Variants in GSAP observed in about 807,000 individuals in gnomAD.
GSAP encodes the protein gamma-secretase activating protein, also known as gamma-secretase-activating protein.
GSAP carries 118 observed loss-of-function variants against 131.7 expected under a neutral mutation model. The ratio of observed to expected loss-of-function variants is 0.90; its 90% CI spans 0.77 to 1.04. The LOEUF is 1.04. Ranked by LOEUF, GSAP falls within the 50% of genes least tolerant of loss-of-function variation. The pLI is 0.00. For synonymous variants in GSAP, 381 were observed against 363.4 expected (o/e 1.05, Z -0.55); for missense variants, 1,019 against 1,013.2 (o/e 1.01, Z -0.08).
At chr7:77,393,446 A>G (rs1041117015) in intron 5 of GSAP, among the ~76,000 whole-genome samples, 1 of 151,748 alleles carries the variant, frequency 6.6e-6, no homozygotes, top group Non-Finnish European at 1.5e-5. Context: ...CTCATCTCCA[A>G]ACTCCACCTC....
chr7:77,323,203 C>G (rs968106057), intron 24 of GSAP, among the ~76,000 whole-genome samples: 4 of 152,216 alleles, frequency 2.6e-5, no homozygotes, highest in Non-Finnish European at 4.4e-5. Flanking sequence ...AACTGCCAAT[C>G]TCAGCCTCAC....
intron 5 of GSAP, among the ~76,000 whole-genome samples, chr7:77,393,457 A>C (rs1355271574): frequency 1.3e-5 from 2 of 151,806 alleles, no homozygotes; most frequent in Non-Finnish European, 2.9e-5. Flanking sequence ...ACTCCACCTC[A>C]CATCTCCACT....
intron 18 of GSAP, among the ~76,000 whole-genome samples, chr7:77,349,776 C>G (rs145280072): frequency 7.4e-4 from 113 of 152,234 alleles, no homozygotes; most frequent in African/African-American, 2.6e-3. Flanking sequence ...ATCAATACTC[C>G]TTCCTCTCTC....
intron 3 of GSAP, among the ~76,000 whole-genome samples, chr7:77,401,389 CAA>C (rs999240943): frequency 6.6e-6 from 1 of 151,758 alleles, no homozygotes. Context: ...GAGAAAAATT[CAA>C]AAGACAGCAG....
At chr7:77,354,168 C>T (rs1023854364) in intron 16 of GSAP, among the ~76,000 whole-genome samples, 5 of 152,298 alleles carry the variant, frequency 3.3e-5, no homozygotes, top group African/African-American at 9.6e-5. Flanking sequence ...GAATGTTTTC[C>T]ATCTCAGCAC....
chr7:77,413,030 C>T (rs1225254412), intron 1 of GSAP, among the ~76,000 whole-genome samples: 2 of 152,114 alleles, frequency 1.3e-5, no homozygotes, highest in African/African-American at 2.4e-5. Context: ...ATACAGCAAA[C>T]CCCAGAAACC....
At chr7:77,392,204 AGAGC>A (rs1413391882) in intron 5 of GSAP, among the ~76,000 whole-genome samples, 3 of 151,698 alleles carry the variant, frequency 2.0e-5, no homozygotes, top group Non-Finnish European at 4.4e-5. Flanking sequence ...CCTGGGTGAC[AGAGC>A]AAGACTCCAT....
At chr7:77,380,838 C>T (rs911604862) in intron 8 of GSAP, among the ~76,000 whole-genome samples, 3 of 152,004 alleles carry the variant, frequency 2.0e-5, no homozygotes, top group East Asian at 1.9e-4. Flanking sequence ...TATGCATATA[C>T]GTACATATGA....
chr7:77,318,716 A>T (rs1164948154), intron 26 of GSAP, among the ~76,000 whole-genome samples: 1 of 152,180 alleles, frequency 6.6e-6, no homozygotes, highest in East Asian at 1.9e-4. Context: ...CTCAAAATGC[A>T]TTAGAAAGTT....
chr7:77,362,869 T>G (rs1794745516), intron 12 of GSAP, among the ~76,000 whole-genome samples: 1 of 152,202 alleles, frequency 6.6e-6, no homozygotes, highest in Non-Finnish European at 1.5e-5. Flanking sequence ...TAGCAACATA[T>G]TGTGGCAGGC....
intron 1 of GSAP, among the ~76,000 whole-genome samples, chr7:77,406,489 G>A (rs142809270): frequency 4.6e-5 from 7 of 152,174 alleles, no homozygotes; most frequent in Admixed American, 1.3e-4. Flanking sequence ...AAGGGCATAC[G>A]AATTTGGAAT....
At chr7:77,403,371 C>T (rs1244276360) in intron 3 of GSAP, among the ~76,000 whole-genome samples, 1 of 152,082 alleles carries the variant, frequency 6.6e-6, no homozygotes, top group African/African-American at 2.4e-5. Context: ...GAGAATTAAC[C>T]AAGCAGCGTA....
chr7:77,327,324 TC>T (rs1788468351), intron 22 of GSAP: 2 of 152,276 alleles, frequency 1.3e-5, no homozygotes, highest in Admixed American at 6.5e-5. Context: ...CCAGCAACGT[TC>T]CCCGTGTTGC....
chr7:77,338,355 T>G (rs1177836876), intron 19 of GSAP, among the ~76,000 whole-genome samples: 1 of 152,198 alleles, frequency 6.6e-6, no homozygotes, highest in Admixed American at 6.5e-5. Flanking sequence ...TTCCTGTTAG[T>G]GTTTTTAAAA....
chr7:77,410,481 T>C (rs1261584962), intron 1 of GSAP, among the ~76,000 whole-genome samples: 1 of 152,234 alleles, frequency 6.6e-6, no homozygotes, highest in Admixed American at 6.5e-5. Flanking sequence ...CAATTTCAAA[T>C]GAGGAAATGT....
chr7:77,391,178 C>T (rs1186192727), intron 5 of GSAP, among the ~76,000 whole-genome samples: 4 of 137,614 alleles, frequency 2.9e-5, no homozygotes, highest in African/African-American at 7.9e-5. Context: ...ATATATTTGG[C>T]TTTTTTTTTT....
At chr7:77,331,275 T>C (rs1789115435) in intron 19 of GSAP, among the ~76,000 whole-genome samples, 1 of 152,206 alleles carries the variant, frequency 6.6e-6, no homozygotes. Context: ...CACTCCAGCC[T>C]GGGTGACAGA....
In GSAP at chr7:77,311,911, C is replaced by T. The variant is rs754151977; in HGVS notation, c.2403G>A (p.Ser801=). The change falls in exon 30 of 31, where the codon TCG becomes TCA. Residue 801 remains serine (S), a synonymous_variant. Coordinates refer to ENST00000257626, the MANE Select transcript of GSAP (RefSeq NM_017439.4). ...QPRNSMINKS[S]FSVEFLPLNY... The stretch of plus-strand genomic sequence containing the variant: ...TCAGAGGCAGAAATTCTACACTGAA[C>T]GATGACTTGTTAATCATAGAATTCC... 25 of 1,599,750 alleles carry T rather than the reference C, an allele frequency of 1.6e-5. No individual in the cohort carries two copies. The highest frequency in any genetic ancestry group is 6.6e-5 in the South Asian group (6 of 90,798).
rs888785797 is a variant in GSAP at position 77,355,196 on chromosome 7, A to G, written c.1338+17T>C. ...GTCGTCTATCTGCCCATTTTAAAAC[A>G]TGAGCTATCTTCTCACCTGGGCTTC... On this transcript the variant is annotated intron_variant, in intron 16 of 30. Transcript: ENST00000257626. The G allele has an allele frequency of 1.9e-6, 3 of 1,539,294 alleles. No individual in the cohort carries two copies. In the African/African-American group the frequency reaches 4.1e-5, roughly 21 times the overall value.
Sources: allele counts gnomAD v4.1 joint callset (sites outside exome capture counted in the v4.1 genomes callset), GRCh38; gene constraint gnomAD v4.1.1; transcripts MANE v1.5; gene names NCBI Gene and HGNC (gene_info 2026-07-23, HGNC 2026-07-21).